Variants in ADAM10 observed in about 807,000 individuals in gnomAD.
The protein encoded by ADAM10 is ADAM metallopeptidase domain 10.
Under a neutral mutation model 90.1 loss-of-function variants are expected in ADAM10, and 17 were observed. That is an observed-to-expected ratio of 0.19 (90% confidence interval 0.13 to 0.28). The LOEUF (loss-of-function observed/expected upper bound fraction) is 0.28, where lower values mean the gene tolerates loss of function less well. ADAM10 is among the 10% of genes least tolerant of loss of function. The pLI is 1.00. For synonymous variants in ADAM10, 310 were observed against 298.6 expected, an observed-to-expected ratio of 1.04 and a Z score of -0.40; for missense variants, 610 against 914.3, an observed-to-expected ratio of 0.67 and a Z score of 4.29.
intron 2 of ADAM10, among the ~76,000 whole-genome samples, chr15:58,712,767 A>C (rs1357545854): frequency 6.6e-6 from 1 of 151,944 alleles, no homozygotes; most frequent in Non-Finnish European, 1.5e-5. Flanking sequence ...GGGAGCTTGC[A>C]GTAAGCCAAG....
intron 3 of ADAM10, among the ~76,000 whole-genome samples, chr15:58,680,431 C>A (rs1239757836): frequency 6.6e-6 from 1 of 152,094 alleles, no homozygotes; most frequent in Non-Finnish European, 1.5e-5. Flanking sequence ...CCTATAAACA[C>A]ATTTTTAAAT....
chr15:58,646,594 C>T (rs1215452387), intron 5 of ADAM10, among the ~76,000 whole-genome samples: 2 of 152,162 alleles, frequency 1.3e-5, no homozygotes, highest in African/African-American at 2.4e-5. Context: ...CTGGCTCCAC[C>T]ACTCTAGCCC....
intron 1 of ADAM10, among the ~76,000 whole-genome samples, chr15:58,734,319 T>C (rs1219827973): frequency 6.6e-6 from 1 of 152,206 alleles, no homozygotes; most frequent in Non-Finnish European, 1.5e-5. Context: ...TATTAGCCCA[T>C]TTTAAAGAAA....
chr15:58,718,306 T>C (rs933046496), intron 1 of ADAM10, among the ~76,000 whole-genome samples: 1 of 152,198 alleles, frequency 6.6e-6, no homozygotes, highest in Non-Finnish European at 1.5e-5. Flanking sequence ...TACTGATTTT[T>C]GAACGTTAAG....
At chr15:58,676,423 T>C (rs1429947589) in intron 4 of ADAM10, 7 of 337,340 alleles carry the variant, frequency 2.1e-5, no homozygotes, top group South Asian at 9.4e-5. Flanking sequence ...TTCTTACTAC[T>C]GCTGCTACTA....
intron 11 of ADAM10, 72 bp downstream of exon 11, chr15:58,621,399 G>A (rs1462625668): frequency 6.3e-7 from 1 of 1,578,102 alleles, no homozygotes; most frequent in Admixed American, 1.7e-5. Flanking sequence ...CTTAATCTCA[G>A]TTTTAAATTT....
intron 9 of ADAM10, among the ~76,000 whole-genome samples, chr15:58,631,875 C>T (rs1384440422): frequency 6.6e-6 from 1 of 152,138 alleles, no homozygotes; most frequent in South Asian, 2.1e-4. Context: ...AATACCTTAT[C>T]CAAGAACATT....
rs2140859693 is a variant in ADAM10 at position 58,749,405 on chromosome 15, C to T, written c.55+75G>A. 2.2e-6 allele frequency: 3 copies of T among 1,367,074 alleles called. No individual in the cohort carries two copies. The South Asian group carries it at 5.3e-5, about 24-fold the overall frequency. The allele number at this position is 1,367,074 out of a possible 1,614,324, so 84.7% of individuals were successfully genotyped here. On this transcript the variant is annotated intron_variant, in intron 1 of 15. Coordinates refer to ENST00000260408, the MANE Select transcript of ADAM10 (RefSeq NM_001110.4). ...TGACTGACGCGCACGCCGCGAGGCG[C>T]GACTGGGCTCCGCTCGGCCCGGCCG...
At chr15:58,647,246 G>GCATTTTTTTTTTTTTTT (rs1896569038) in intron 5 of ADAM10, among the ~76,000 whole-genome samples, 1 of 36,828 alleles carries the variant, frequency 2.7e-5, no homozygotes, top group African/African-American at 7.4e-5. Context: ...TAGACACTAA[G>GCATTTTTTTTTTTTTTT]TATTTTTTTT....
chr15:58,623,224 A>G (rs1895839192), intron 10 of ADAM10, among the ~76,000 whole-genome samples: 1 of 152,232 alleles, frequency 6.6e-6, no homozygotes, highest in Non-Finnish European at 1.5e-5. Flanking sequence ...TATAAAACAG[A>G]AGCTTGGCAC....
chr15:58,667,949 T>G (rs773104175), intron 4 of ADAM10, among the ~76,000 whole-genome samples: 1 of 151,976 alleles, frequency 6.6e-6, no homozygotes, highest in Non-Finnish European at 1.5e-5. Flanking sequence ...AGAGTGATTG[T>G]CCCTAGAAAG....
chr15:58,683,358 A>T (rs757593811), intron 2 of ADAM10, among the ~76,000 whole-genome samples: 7 of 152,204 alleles, frequency 4.6e-5, no homozygotes, highest in Non-Finnish European at 1.0e-4. Context: ...TGTAACATAA[A>T]GTTGTATGGG....
rs377230236 is a variant in ADAM10, at chr15:58,710,519, C to T, written c.206+7058G>A. ...ACAGCTTTCTTGGGATTTTAATTTCCGTATAAAGCGGAATCAGGCAAGAAT... is the reference window on the plus strand; with the variant it reads ...ACAGCTTTCTTGGGATTTTAATTTCTGTATAAAGCGGAATCAGGCAAGAAT... On this transcript the variant is annotated intron_variant, in intron 2 of 15. Transcript: ENST00000260408. Among the ~76,000 whole-genome samples the T allele has an allele frequency of 1.3e-5, 2 of 152,122 alleles. 1 individual carries two copies.
intron 3 of ADAM10, among the ~76,000 whole-genome samples, chr15:58,681,530 A>C (rs931062999): frequency 6.6e-6 from 1 of 152,232 alleles, no homozygotes; most frequent in Non-Finnish European, 1.5e-5. Flanking sequence ...AGTACTTACT[A>C]ATGTACAGTT....
intron 6 of ADAM10, among the ~76,000 whole-genome samples, chr15:58,644,507 G>A (rs1596022759): frequency 6.6e-6 from 1 of 152,244 alleles, no homozygotes; most frequent in Admixed American, 6.5e-5. Context: ...GGCATTACAG[G>A]CATGAGCCAC....
intron 8 of ADAM10, among the ~76,000 whole-genome samples, chr15:58,637,920 A>G (rs1896309637): frequency 6.6e-6 from 1 of 152,132 alleles, no homozygotes. Flanking sequence ...AAGAATAAAT[A>G]TATAACATTC....
intron 5 of ADAM10, among the ~76,000 whole-genome samples, chr15:58,650,737 C>T (rs1175635310): frequency 1.3e-5 from 2 of 152,126 alleles, no homozygotes; most frequent in Non-Finnish European, 1.5e-5. Flanking sequence ...AATAAATACA[C>T]ACAAATATAC....
intron 2 of ADAM10, among the ~76,000 whole-genome samples, chr15:58,711,983 A>G (rs997661984): frequency 3.3e-5 from 5 of 152,220 alleles, no homozygotes; most frequent in African/African-American, 7.2e-5. Context: ...AACAAAAGGC[A>G]TAAGTTAAAA....
At chr15:58,620,321 G>A (rs1334619470) in intron 11 of ADAM10, among the ~76,000 whole-genome samples, 2 of 151,964 alleles carry the variant, frequency 1.3e-5, no homozygotes, top group Admixed American at 6.6e-5. Context: ...CAAAAAACTA[G>A]CCAGGCATGG....
Sources: gnomAD v4.1 joint callset for allele counts (sites outside exome capture counted in the v4.1 genomes callset) on GRCh38, gnomAD v4.1.1 for gene constraint, MANE v1.5 for transcripts, NCBI Gene and HGNC (gene_info 2026-07-23, HGNC 2026-07-21) for gene names.